Variants in GAD1 observed in about 807,000 individuals in gnomAD.
GAD1 encodes the protein 67 kDa glutamic acid decarboxylase.
In GAD1, 35 loss-of-function variants were observed where a neutral mutation model predicts 75.2. That is an observed-to-expected ratio of 0.47 (90% confidence interval 0.36 to 0.62). GAD1 has a LOEUF of 0.62. Among genes scored for constraint, GAD1 ranks in the 20% least tolerant of loss-of-function variants. GAD1 has a pLI of 0.00. For synonymous variants in GAD1, 257 were observed against 271.9 expected (o/e 0.95, Z 0.54); for missense variants, 490 against 758.5 (o/e 0.65, Z 4.16).
intron 11 of GAD1, 183 bp from the exon 12 acceptor site, chr2:170,849,103 A>T (rs1702698035): frequency 3.0e-6 from 2 of 675,732 alleles, no homozygotes; most frequent in African/African-American, 3.5e-5. Flanking sequence ...TTTGAAAAAG[A>T]AATGACAAGC....
upstream of GAD1, chr2:170,813,445 T>G (rs1320852489): frequency 1.3e-5 from 2 of 152,186 alleles, no homozygotes. Context: ...ATTTTTTTTT[T>G]CCTTTCTGGT....
intron 3 of GAD1, among the ~76,000 whole-genome samples, chr2:170,824,671 C>T (rs142967289): frequency 1.4e-3 from 220 of 152,328 alleles, no homozygotes; most frequent in Non-Finnish European, 2.6e-3. Flanking sequence ...CTGGGCCCCA[C>T]TAGTGGTAGC....
At chr2:170,846,302 G>A (rs1702632150) in intron 10 of GAD1, among the ~76,000 whole-genome samples, 1 of 152,140 alleles carries the variant, frequency 6.6e-6, no homozygotes, top group Non-Finnish European at 1.5e-5. Flanking sequence ...TCTTCATTGT[G>A]CCAAGTGATT....
intron 6 of GAD1, chr2:170,842,728 CT>C: frequency 6.3e-7 from 1 of 1,586,324 alleles, no homozygotes; most frequent in Non-Finnish European, 8.6e-7. Context: ...TGGACATATT[CT>C]TTTTGGAAAT....
At chr2:170,852,600 G>C in intron 12 of GAD1, 114 bp from the exon 13 acceptor site, 2 of 851,456 alleles carry the variant, frequency 2.3e-6, no homozygotes, top group South Asian at 2.8e-5. Context: ...CAATTCAGGA[G>C]AATAGGCATG....
At chr2:170,828,600 TCTTC>T (rs1702113147) in intron 3 of GAD1, among the ~76,000 whole-genome samples, 1 of 121,584 alleles carries the variant, frequency 8.2e-6, no homozygotes, top group Non-Finnish European at 1.7e-5. Flanking sequence ...TCACCCCTCC[TCTTC>T]CCTCTGTTGT....
chr2:170,843,259 T>C (rs756726200), intron 6 of GAD1, among the ~76,000 whole-genome samples: 1 of 152,258 alleles, frequency 6.6e-6, no homozygotes, highest in Non-Finnish European at 1.5e-5. Flanking sequence ...GAAAAGAGCA[T>C]GGCTTGCTAC....
intron 11 of GAD1, chr2:170,848,959 G>A: frequency 2.3e-6 from 1 of 434,178 alleles, no homozygotes; most frequent in Non-Finnish European, 4.4e-6. Context: ...CACCCGGAGG[G>A]GGACTCACTG....
At chr2:170,824,979 G>C (rs1175034223) in intron 3 of GAD1, among the ~76,000 whole-genome samples, 1 of 151,374 alleles carries the variant, frequency 6.6e-6, no homozygotes, top group Non-Finnish European at 1.5e-5. Context: ...TTTGTATCAA[G>C]TGCCAAACCT....
At chr2:170,842,812 TTGAC>T (rs1702546298) in intron 6 of GAD1, 1 of 1,260,114 alleles carries the variant, frequency 7.9e-7, no homozygotes, top group African/African-American at 1.5e-5. Context: ...TGTGATTAAT[TTGAC>T]TGCTTTTTTC....
At chr2:170,858,968 GC>G in intron 16 of GAD1, 75 bp downstream of exon 16, 1 of 1,295,224 alleles carries the variant, frequency 7.7e-7, no homozygotes, top group Non-Finnish European at 1.1e-6. Flanking sequence ...ATTCCAATGT[GC>G]CTTTCTAGTG....
At chr2:170,851,846 A>C (rs990478226) in intron 12 of GAD1, among the ~76,000 whole-genome samples, 3 of 152,178 alleles carry the variant, frequency 2.0e-5, no homozygotes, top group Non-Finnish European at 4.4e-5. Flanking sequence ...CATGCTTGTT[A>C]AGCTATCATT....
chr2:170,813,939 G>A (rs1015509915), upstream of GAD1, among the ~76,000 whole-genome samples: 2 of 152,100 alleles, frequency 1.3e-5, no homozygotes. Context: ...GCCTTTGAGC[G>A]CCGCGTTCCC....
Position 170,831,007 on chromosome 2 carries a change from T to C in GAD1, c.362T>C (p.Val121Ala), listed in dbSNP as rs895746380. The C allele has an allele frequency of 6.2e-7, 1 of 1,614,138 alleles. No individual in the cohort carries two copies. Among genetic ancestry groups the C allele is most frequent in the South Asian group, 1.1e-5 (1 of 91,078 alleles). Reference sequence around the variant, plus strand: ...ACCGTGCAATTCCTCCTGGAAGTGGTGGACATACTCCTCAACTATGTCCGC... The same window carrying C: ...ACCGTGCAATTCCTCCTGGAAGTGGCGGACATACTCCTCAACTATGTCCGC... ...EQTVQFLLEV[V>A]DILLNYVRKT... The change falls in exon 5 of 17, where the codon GTG (valine) becomes GCG (alanine). Residue 121 changes from valine to alanine, a missense_variant. Around this residue, in one of 3 missense-constraint regions of GAD1, gnomAD observed 165 missense variants for 216.4 expected, o/e 0.76. Transcript: ENST00000358196.
chr2:170,817,227 C>A (rs1575419415), intron 1 of GAD1, 179 bp downstream of exon 1: 2 of 55,804 alleles, frequency 3.6e-5, no homozygotes, highest in South Asian at 7.2e-4. Context: ...GCGCAGGGAC[C>A]CCCCCCCCCC....
At chr2:170,836,610 A>T (rs1702382336) in intron 5 of GAD1, among the ~76,000 whole-genome samples, 183 bp from the exon 6 acceptor site, 1 of 152,184 alleles carries the variant, frequency 6.6e-6, no homozygotes, top group South Asian at 2.1e-4. Flanking sequence ...GACATTATGA[A>T]TGTTAATGTT....
chr2:170,814,743 T>C (rs1701665744), upstream of GAD1, among the ~76,000 whole-genome samples: 1 of 152,208 alleles, frequency 6.6e-6, no homozygotes, highest in South Asian at 2.1e-4. Context: ...AAGAGAGGGA[T>C]GTCCTCGAAG....
At chr2:170,846,619 C>T (rs1406949076) in intron 10 of GAD1, among the ~76,000 whole-genome samples, 1 of 152,214 alleles carries the variant, frequency 6.6e-6, no homozygotes, top group Non-Finnish European at 1.5e-5. Flanking sequence ...ACCTCCTTCT[C>T]TAATTGTAGT....
intron 6 of GAD1, chr2:170,842,516 A>G: frequency 6.5e-7 from 1 of 1,537,466 alleles, no homozygotes. Context: ...CTCTTGGTAC[A>G]CTTGGCAGCA....
Sources: allele counts gnomAD v4.1 joint callset (sites outside exome capture counted in the v4.1 genomes callset), GRCh38; gene constraint gnomAD v4.1.1; regional missense constraint gnomAD v4.1.1; transcripts MANE v1.5; gene names NCBI Gene and HGNC (gene_info 2026-07-23, HGNC 2026-07-21).